WAPL: variants seen among roughly 807,000 people sequenced by gnomAD.
WAPL encodes the protein wings apart-like protein homolog.
WAPL carries 5 observed loss-of-function variants against 121.0 expected under a neutral mutation model. The observed-to-expected ratio is 0.04, with a 90% CI of 0.02 to 0.09. The LOEUF is 0.09. WAPL is among the 10% of genes least tolerant of loss of function. The probability of loss-of-function intolerance (pLI) is 1.00; values close to 1 mark genes in which losing one functional copy is unlikely to be tolerated. For missense variants in WAPL, 999 were observed against 1,410.8 expected (o/e 0.71, Z 4.68); for synonymous variants, 480 against 481.5 (o/e 1.00, Z 0.04).
At chr10:86,448,028 A>G (rs1849669110) in intron 15 of WAPL, among the ~76,000 whole-genome samples, 1 of 152,174 alleles carries the variant, frequency 6.6e-6, no homozygotes, top group South Asian at 2.1e-4. Flanking sequence ...AGCCTGGACG[A>G]CAGAGCAAGA....
At chr10:86,459,839 A>T (rs1453855583) in intron 11 of WAPL, among the ~76,000 whole-genome samples, 1 of 152,234 alleles carries the variant, frequency 6.6e-6, no homozygotes, top group East Asian at 1.9e-4. Flanking sequence ...GGAGGGGCCC[A>T]GCAAAGTGTA....
chr10:86,475,696 T>C (rs540063930), intron 4 of WAPL, among the ~76,000 whole-genome samples: 1 of 152,240 alleles, frequency 6.6e-6, no homozygotes, highest in Non-Finnish European at 1.5e-5. Context: ...ACATAAATTT[T>C]AAAACCAACC....
At position 86,521,755 on chromosome 10, in the gene WAPL, C is replaced by T; in HGVS notation, c.-413G>A. 2.2e-6 allele frequency: 1 copy of T among 445,838 alleles called. No individual in the cohort carries two copies. Among genetic ancestry groups the T allele is most frequent in the Non-Finnish European group, 4.6e-6 (1 of 216,508 alleles). 27.6% of individuals were successfully genotyped at this position (445,838 alleles called of 1,614,324 possible). On this transcript the variant is annotated 5_prime_UTR_variant, in exon 1 of 19. Coordinates refer to ENST00000298767, the MANE Select transcript of WAPL (RefSeq NM_015045.5). ...TCTCAACGCCATTTGCGCTCCCGGC[C>T]CCCACCTCCTTCCTCCAACAGCCGC...
chr10:86,512,245 C>A (rs1243136218), intron 2 of WAPL, among the ~76,000 whole-genome samples: 2 of 152,132 alleles, frequency 1.3e-5, no homozygotes, highest in Non-Finnish European at 2.9e-5. Context: ...CAATACCATC[C>A]CTCTAACTTA....
chr10:86,474,054 G>C (rs977416817), intron 4 of WAPL, 81 bp from the exon 5 acceptor site: 6 of 1,108,282 alleles, frequency 5.4e-6, no homozygotes, highest in Non-Finnish European at 8.2e-6. Flanking sequence ...TAATTTATAT[G>C]CATAAACATG....
At chr10:86,497,469 A>C in intron 3 of WAPL, 150 bp from the exon 4 acceptor site, 1 of 625,776 alleles carries the variant, frequency 1.6e-6, no homozygotes. Context: ...AATACTCCCT[A>C]GAATAAGAAG....
chr10:86,467,238 A>C (rs1841419900), intron 9 of WAPL, 41 bp downstream of exon 9: 2 of 1,570,508 alleles, frequency 1.3e-6, no homozygotes, highest in Non-Finnish European at 1.7e-6. Flanking sequence ...AGACTTTCTG[A>C]AAGTAATTCT....
In WAPL at chr10:86,500,424, T is replaced by C. The variant is rs774718268; in HGVS notation, c.819A>G (p.Glu273=). Residue 273 remains glutamate, a synonymous_variant, in exon 3 of 19, where the codon GAA becomes GAG. Coordinates refer to ENST00000298767, the MANE Select transcript of WAPL (RefSeq NM_015045.5). ...MKDDDFKNRL[E]NLNEAIEEDI... is the part of the protein sequence containing the mutation. ...CTTCCTCAATGGCTTCATTCAGATT[T>C]TCCAATCGATTTTTAAAATCGTCAT... is the stretch of plus-strand genomic sequence containing the variant. The C allele has an allele frequency of 6.2e-7, 1 of 1,614,236 alleles. No homozygotes were observed. The highest frequency in any genetic ancestry group is 2.2e-5 in the East Asian group (1 of 44,890).
Position 86,500,224 on chromosome 10 carries a change from C to G in WAPL, c.1019G>C (p.Gly340Ala), listed in dbSNP as rs1446737391. The G allele has an allele frequency of 5.6e-6, 9 of 1,614,074 alleles. No individual in the cohort carries two copies. In the Admixed American group the frequency reaches 1.5e-4, roughly 27 times the overall value. ...SKDGLNQAKK[G>A]GVSCGTSFRG... ...AAAACTGGTCCCACAACTTACACCC[C>G]CTTTCTTTGCCTGATTCAGGCCATC... Residue 340 changes from glycine (G) to alanine (A), a missense_variant, in exon 3 of 19, where the codon GGG becomes GCG. Physicochemically the swap from Gly to Ala is moderately conservative, Grantham distance 60. Transcript: ENST00000298767.
chr10:86,508,083 T>C (rs1842387214), intron 2 of WAPL, among the ~76,000 whole-genome samples: 1 of 152,194 alleles, frequency 6.6e-6, no homozygotes, highest in African/African-American at 2.4e-5. Context: ...GGTAGATTAG[T>C]GACCATGTGT....
At chr10:86,459,297 C>T (rs1387491494) in intron 11 of WAPL, among the ~76,000 whole-genome samples, 1 of 152,210 alleles carries the variant, frequency 6.6e-6, no homozygotes, top group Non-Finnish European at 1.5e-5. Context: ...ACATATTCTA[C>T]ACTACATATT....
chr10:86,439,365 A>C (rs527673422), intron 17 of WAPL, among the ~76,000 whole-genome samples: 1 of 152,348 alleles, frequency 6.6e-6, no homozygotes, highest in South Asian at 2.1e-4. Context: ...ATAGTGGCTA[A>C]GGTGTCTCTG....
At chr10:86,489,524 T>A (rs1370159819) in intron 4 of WAPL, among the ~76,000 whole-genome samples, 1 of 152,220 alleles carries the variant, frequency 6.6e-6, no homozygotes, top group South Asian at 2.1e-4. Flanking sequence ...GGGAGGAGGA[T>A]GCATTTCACT....
At position 86,517,901 on chromosome 10, in the gene WAPL, C is replaced by T. The variant is rs764395733; in HGVS notation, c.169G>A (p.Glu57Lys). ...TCCACTTTAGGTTTCTTCGGAATTTCTTGGATATCTGGTTTGAAATTGGGC... is the reference window on the plus strand; with the variant it reads ...TCCACTTTAGGTTTCTTCGGAATTTTTTGGATATCTGGTTTGAAATTGGGC... ...KRPNFKPDIQ[E>K]IPKKPKVEEE... is the part of the protein sequence containing the mutation. The change falls in exon 2 of 19, where the codon GAA becomes AAA. Residue 57 changes from glutamate (E) to lysine (K), a missense_variant. Physicochemically the swap from Glu to Lys is moderately conservative, Grantham distance 56. This residue lies in a region of WAPL where 531 missense variants were observed against 563.1 expected (regional missense o/e 0.94). Transcript: ENST00000298767. 1 of 1,614,082 alleles carries T rather than the reference C, an allele frequency of 6.2e-7. No homozygotes were observed. The highest frequency in any genetic ancestry group is 1.1e-5 in the South Asian group (1 of 91,078).
At chr10:86,503,814 A>G (rs759994377) in intron 2 of WAPL, among the ~76,000 whole-genome samples, 2 of 152,032 alleles carry the variant, frequency 1.3e-5, no homozygotes, top group Non-Finnish European at 2.9e-5. Context: ...GAAACACAAA[A>G]GGTAAATTCC....
intron 2 of WAPL, among the ~76,000 whole-genome samples, chr10:86,504,059 C>T (rs923054154): frequency 1.3e-5 from 2 of 151,452 alleles, no homozygotes; most frequent in African/African-American, 2.4e-5. Context: ...CAGTCGTCCT[C>T]GCTACTTGGG....
intron 2 of WAPL, among the ~76,000 whole-genome samples, chr10:86,505,260 A>G (rs1475549368): frequency 3.4e-5 from 5 of 145,074 alleles, no homozygotes; most frequent in Non-Finnish European, 6.0e-5. Flanking sequence ...TCAGCCTCCC[A>G]AAGTACTGGG....
At chr10:86,466,562 G>A (rs1049908257) in intron 9 of WAPL, among the ~76,000 whole-genome samples, 4 of 151,946 alleles carry the variant, frequency 2.6e-5, no homozygotes, top group South Asian at 2.1e-4. Flanking sequence ...AGAGCAAGAC[G>A]CTATCTCAAA....
intron 2 of WAPL, among the ~76,000 whole-genome samples, chr10:86,514,110 T>C (rs1039782200): frequency 6.6e-5 from 10 of 152,260 alleles, no homozygotes; most frequent in African/African-American, 2.2e-4. Context: ...TAAATTTCAA[T>C]TAAAATTACA....
Sources: gnomAD v4.1 joint callset for allele counts (sites outside exome capture counted in the v4.1 genomes callset) on GRCh38, gnomAD v4.1.1 for gene constraint, gnomAD v4.1.1 regional missense constraint, MANE v1.5 for transcripts, NCBI Gene and HGNC (gene_info 2026-07-23, HGNC 2026-07-21) for gene names.